AHI1: variants seen among roughly 807,000 people sequenced by gnomAD.
AHI1 encodes the protein Abelson helper integration site 1, also known as jouberin.
A neutral mutation model predicts 149.3 loss-of-function variants in AHI1; 123 were observed. That is an observed-to-expected ratio of 0.82 (90% CI 0.71 to 0.96). AHI1 has a LOEUF of 0.96. Ranked by LOEUF, AHI1 falls within the 40% of genes least tolerant of loss-of-function variation. The pLI is 0.00. For missense variants in AHI1, 1,439 were observed against 1,422.7 expected (o/e 1.01, Z -0.18); for synonymous variants, 475 against 459.8 (o/e 1.03, Z -0.42).
rs138398803 is a variant in AHI1 at position 135,494,801 on chromosome 6, G to A, written c.-55+1013C>T. ...GAGCCTACAATATAAAGTAAAATCAGGGAGATAGGTGAAAAACTGGGAGAT... is the reference window on the plus strand; with the variant it reads ...GAGCCTACAATATAAAGTAAAATCAAGGAGATAGGTGAAAAACTGGGAGAT... On this transcript the variant is annotated intron_variant, in intron 3 of 28. Transcript: ENST00000265602. Among the ~76,000 whole-genome samples the A allele has an allele frequency of 3.7e-4, 56 of 152,322 alleles. 1 individual carries two copies. The East Asian group carries it at 0.011, about 29-fold the overall frequency.
At chr6:135,394,102 T>C (rs1178322580) in intron 23 of AHI1, among the ~76,000 whole-genome samples, 2 of 152,094 alleles carry the variant, frequency 1.3e-5, no homozygotes, top group African/African-American at 4.8e-5. Context: ...AGATAATTGT[T>C]ATTTTCAGCT....
intron 23 of AHI1, among the ~76,000 whole-genome samples, chr6:135,360,588 C>T (rs1582809277): frequency 6.6e-6 from 1 of 152,136 alleles, no homozygotes; most frequent in East Asian, 1.9e-4. Context: ...TATGGTCTTC[C>T]TACTGGTTCT....
At chr6:135,363,203 C>A (rs1794199974) in intron 23 of AHI1, among the ~76,000 whole-genome samples, 3 of 150,944 alleles carry the variant, frequency 2.0e-5, no homozygotes, top group East Asian at 3.9e-4. Context: ...CGGCCTTCCG[C>A]AGTGTTTGTG....
rs751308774 is a variant in AHI1 at position 135,467,615 on chromosome 6, T to C, written c.155A>G (p.Asn52Ser). Residue 52 changes from asparagine (N) to serine (S), a missense_variant, in exon 6 of 29, where the codon AAT becomes AGT. Transcript: ENST00000265602. Reference protein sequence around the residue: ...ENISPDTIRSNLHYMKETTSD... With the variant: ...ENISPDTIRSSLHYMKETTSD... Reference sequence around the variant, plus strand: ...TGTAGTTTCTTTCATATAGTGAAGATTGCTTCTAATAGTGTCAGGCTAAAA... The same window carrying C: ...TGTAGTTTCTTTCATATAGTGAAGACTGCTTCTAATAGTGTCAGGCTAAAA... 2 of 1,608,812 alleles carry C rather than the reference T, an allele frequency of 1.2e-6. No homozygotes were observed. The highest frequency in any genetic ancestry group is 1.7e-6 in the Non-Finnish European group (2 of 1,176,302).
intron 4 of AHI1, among the ~76,000 whole-genome samples, chr6:135,491,844 A>C (rs1000041568): frequency 6.6e-6 from 1 of 152,232 alleles, no homozygotes; most frequent in Non-Finnish European, 1.5e-5. Context: ...AAAGAGACAG[A>C]GAGACAGAGT....
intron 4 of AHI1, among the ~76,000 whole-genome samples, chr6:135,491,698 T>C (rs1293154112): frequency 6.6e-6 from 1 of 152,232 alleles, no homozygotes; most frequent in African/African-American, 2.4e-5. Flanking sequence ...AATTAATAAA[T>C]GCTGAATGAA....
chr6:135,325,220 T>C (rs999399166), intron 24 of AHI1, among the ~76,000 whole-genome samples: 1 of 152,102 alleles, frequency 6.6e-6, no homozygotes, highest in Non-Finnish European at 1.5e-5. Context: ...AGAGACGGGG[T>C]TTCTCCATGT....
intron 24 of AHI1, among the ~76,000 whole-genome samples, chr6:135,356,826 A>C (rs17064471): frequency 0.012 from 1,775 of 152,344 alleles, 39 homozygotes; most frequent in African/African-American, 0.041. Flanking sequence ...CCACATATTA[A>C]GTTATCAAAC....
At chr6:135,338,150 A>T (rs1789693674) in intron 24 of AHI1, among the ~76,000 whole-genome samples, 1 of 151,862 alleles carries the variant, frequency 6.6e-6, no homozygotes, top group Non-Finnish European at 1.5e-5. Flanking sequence ...ATACAAAAAA[A>T]ATTAGCCGGC....
intron 26 of AHI1, 143 bp from the exon 27 acceptor site, chr6:135,300,701 G>T: frequency 7.2e-7 from 1 of 1,383,472 alleles, no homozygotes; most frequent in Non-Finnish European, 9.4e-7. Context: ...TGCCTGTCCT[G>T]AACATATATT....
chr6:135,450,302 A>G (rs1787896847), intron 11 of AHI1, among the ~76,000 whole-genome samples: 1 of 152,222 alleles, frequency 6.6e-6, no homozygotes, highest in Admixed American at 6.5e-5. Context: ...TAGCAAACAG[A>G]AATCACTAGT....
intron 5 of AHI1, among the ~76,000 whole-genome samples, chr6:135,487,417 T>A (rs1794639335): frequency 6.6e-6 from 1 of 152,152 alleles, no homozygotes; most frequent in Admixed American, 6.5e-5. Context: ...TATACATATA[T>A]CTAATGTAAA....
At chr6:135,492,609 A>G in intron 3 of AHI1, 2 of 985,436 alleles carry the variant, frequency 2.0e-6, no homozygotes, top group Non-Finnish European at 2.4e-6. Context: ...TAATACATTA[A>G]TGAACATTTC....
intron 23 of AHI1, among the ~76,000 whole-genome samples, chr6:135,379,258 C>T (rs952299631): frequency 6.6e-6 from 1 of 152,024 alleles, no homozygotes; most frequent in Non-Finnish European, 1.5e-5. Flanking sequence ...GATTGCTATC[C>T]ACTCATTCAC....
rs151068396 is a variant in AHI1 at position 135,487,711 on chromosome 6, C to G, written c.135+2912G>C. ...TCTCTTCTGGCTATTTTGAAATATA[C>G]AATAAATTATTAACTGTAATTTCCC... On this transcript the variant is annotated intron_variant, in intron 5 of 28. Transcript: ENST00000265602. 1.7e-3 allele frequency among the ~76,000 whole-genome samples: 263 copies of G among 152,210 alleles called. 2 individuals carry two copies. The highest frequency in any genetic ancestry group is 5.9e-3 in the African/African-American group (244 of 41,556).
chr6:135,324,261 G>A (rs899685777), intron 24 of AHI1, among the ~76,000 whole-genome samples: 2 of 152,094 alleles, frequency 1.3e-5, no homozygotes, highest in African/African-American at 4.8e-5. Context: ...CCAGGGTTTG[G>A]AGGCTGCAGT....
At chr6:135,340,603 C>G (rs933154889) in intron 24 of AHI1, among the ~76,000 whole-genome samples, 1 of 140,662 alleles carries the variant, frequency 7.1e-6, no homozygotes, top group Admixed American at 7.2e-5. Context: ...ATAAAGAACA[C>G]TGATAAAGGT....
In AHI1 at chr6:135,411,495, T is replaced by C. The variant is rs775305093; in HGVS notation, c.2814A>G (p.Pro938=). The change falls in exon 21 of 29, where the codon CCA becomes CCG. Residue 938 remains proline (P), a synonymous_variant. Transcript: ENST00000265602. ...CTTGACTTTGGTGTATTCCAGGTAA[T>C]GGAAATGTTCCATTGTAGCGTTTGA... is the stretch of plus-strand genomic sequence containing the variant. ...EMFKRYNGTF[P]LPGIHQSQDA... 5 of 1,611,062 alleles carry C rather than the reference T, an allele frequency of 3.1e-6. No individual in the cohort carries two copies. The South Asian group carries it at 4.4e-5, about 14-fold the overall frequency.
At chr6:135,387,384 G>C (rs577870710) in intron 23 of AHI1, among the ~76,000 whole-genome samples, 2 of 152,092 alleles carry the variant, frequency 1.3e-5, no homozygotes, top group Non-Finnish European at 2.9e-5. Context: ...TCCCCCAACC[G>C]AACCCATGCC....
Sources: allele counts gnomAD v4.1 joint callset (sites outside exome capture counted in the v4.1 genomes callset), GRCh38; gene constraint gnomAD v4.1.1; transcripts MANE v1.5; gene names NCBI Gene and HGNC (gene_info 2026-07-23, HGNC 2026-07-21).